Variants in ACCSL observed in about 807,000 individuals in gnomAD.
ACCSL encodes 1-aminocyclopropane-1-carboxylate synthase homolog (inactive) like.
ACCSL carries 55 observed loss-of-function variants against 61.7 expected under a neutral mutation model. The observed-to-expected ratio is 0.89, with a 90% CI of 0.72 to 1.12. The LOEUF is 1.12. Among genes scored for constraint, ACCSL ranks in the 50% most tolerant of loss-of-function variants. The probability of loss-of-function intolerance (pLI) is 0.00; values close to 1 mark genes in which losing one functional copy is unlikely to be tolerated. For missense variants in ACCSL, 632 were observed against 698.0 expected (o/e 0.91, Z 1.07); for synonymous variants, 258 against 264.3 (o/e 0.98, Z 0.23).
At chr11:44,027,390 A>G in the ACCSL span, among the ~76,000 whole-genome samples, 1 of 152,208 alleles carries the variant, frequency 6.6e-6, no homozygotes, top group East Asian at 1.9e-4. Flanking sequence ...AGAATCTTCC[A>G]GTTCTGCTTT....
the ACCSL span, among the ~76,000 whole-genome samples, chr11:43,924,459 T>A: frequency 6.6e-6 from 1 of 152,142 alleles, no homozygotes; most frequent in Non-Finnish European, 1.5e-5. Flanking sequence ...GGTGGGCGCC[T>A]GAGGGCCTTG....
chr11:44,052,951 G>A (rs1952648998), intron 6 of ACCSL, 40 bp from the exon 7 acceptor site: 6 of 1,589,894 alleles, frequency 3.8e-6, no homozygotes, highest in African/African-American at 1.3e-5. Context: ...TCAAGACTTA[G>A]ATTTTAAGAG....
At chr11:44,055,090 A>G in intron 8 of ACCSL, 112 bp from the exon 9 acceptor site, 1 of 730,702 alleles carries the variant, frequency 1.4e-6, no homozygotes, top group South Asian at 2.0e-5. Context: ...GTGTCCAGAG[A>G]ACACCATAAA....
the ACCSL span, among the ~76,000 whole-genome samples, chr11:44,002,182 C>A: frequency 6.6e-6 from 1 of 152,008 alleles, no homozygotes; most frequent in African/African-American, 2.4e-5. Context: ...TGTTACGTGG[C>A]CCCAGACCAC....
the ACCSL span, chr11:43,943,913 T>G: frequency 1.7e-6 from 2 of 1,180,002 alleles, no homozygotes; most frequent in Non-Finnish European, 2.2e-6. The surrounding 1 kb of genome is among the most constrained non-coding windows in gnomAD (Gnocchi z 4.8). Flanking sequence ...TTTTGCACCT[T>G]CGGGGTCCAG....
the ACCSL span, among the ~76,000 whole-genome samples, chr11:43,930,803 G>A: frequency 0.023 from 3,431 of 152,124 alleles, 78 homozygotes; most frequent in East Asian, 0.11. Context: ...AAGAAAAAAA[G>A]TTTTCACACA....
chr11:44,053,047 C>G lies in ACCSL; in HGVS notation c.927C>G (p.Ala309=), dbSNP rs759746338. The G allele has an allele frequency of 6.2e-7, 1 of 1,614,070 alleles. No homozygotes were observed. Among genetic ancestry groups the G allele is most frequent in the Non-Finnish European group, 8.5e-7 (1 of 1,179,988 alleles). ...TCACTGTGGACAAGTTAGAGGAAGC[C>G]CTGCTTGAAGCTAGGCTTGAGGTAA... The part of the protein sequence containing the change: ...FQLTVDKLEE[A]LLEARLEGKK... Residue 309 remains alanine (A), a synonymous_variant, in exon 7 of 14, where the codon GCC becomes GCG. Coordinates refer to ENST00000378832, the MANE Select transcript of ACCSL (RefSeq NM_001031854.2).
chr11:43,993,523 A>T, the ACCSL span, among the ~76,000 whole-genome samples: 1 of 152,268 alleles, frequency 6.6e-6, no homozygotes, highest in South Asian at 2.1e-4. Flanking sequence ...AGCAGTGACT[A>T]CGCCTACTTC....
At chr11:43,951,052 C>T in the ACCSL span, among the ~76,000 whole-genome samples, 4 of 152,164 alleles carry the variant, frequency 2.6e-5, no homozygotes, top group East Asian at 1.9e-4. Flanking sequence ...TGGTAAAAAC[C>T]ATTTTTATGA....
chr11:44,039,667 T>G, the ACCSL span, among the ~76,000 whole-genome samples: 1 of 152,078 alleles, frequency 6.6e-6, no homozygotes, highest in Admixed American at 6.5e-5. Context: ...AAAAAATAAA[T>G]AAAATGCACA....
At chr11:43,936,883 C>A in the ACCSL span, among the ~76,000 whole-genome samples, 16 of 152,196 alleles carry the variant, frequency 1.1e-4, no homozygotes, top group South Asian at 1.7e-3. Flanking sequence ...TTTCCCCACC[C>A]CCCCCTCCTG....
At chr11:43,939,413 A>G in the ACCSL span, among the ~76,000 whole-genome samples, 3 of 152,146 alleles carry the variant, frequency 2.0e-5, no homozygotes, top group Admixed American at 2.0e-4. Context: ...AAGGTTATAG[A>G]AATTGCTTTT....
chr11:43,949,509 A>G, the ACCSL span, among the ~76,000 whole-genome samples: 1 of 152,182 alleles, frequency 6.6e-6, no homozygotes, highest in African/African-American at 2.4e-5. Context: ...TCAGATAGCT[A>G]CAAAGATTAA....
At chr11:43,972,077 C>A in the ACCSL span, among the ~76,000 whole-genome samples, 1 of 152,246 alleles carries the variant, frequency 6.6e-6, no homozygotes, top group East Asian at 1.9e-4. Flanking sequence ...ACCTGACATA[C>A]AATGGGCACT....
In ACCSL at chr11:44,047,999, C is replaced by A. The variant is rs947365245; in HGVS notation, c.-38C>A. The A allele has an allele frequency of 3.2e-6, 5 of 1,583,978 alleles. No individual in the cohort carries two copies. In the South Asian group the frequency reaches 5.7e-5, roughly 18 times the overall value. On this transcript the variant is annotated 5_prime_UTR_variant, in exon 1 of 14. Coordinates refer to ENST00000378832, the MANE Select transcript of ACCSL (RefSeq NM_001031854.2). Reference sequence around the variant, plus strand: ...TCAATGGTCTCTTTCTCCATAGGTGCCAGGCAGCCTTCAGAGGCCAGTAAA... The same window carrying A: ...TCAATGGTCTCTTTCTCCATAGGTGACAGGCAGCCTTCAGAGGCCAGTAAA...
intron 11 of ACCSL, among the ~76,000 whole-genome samples, chr11:44,057,959 G>A (rs184591419): frequency 2.4e-3 from 366 of 152,328 alleles, no homozygotes; most frequent in African/African-American, 8.7e-3. Context: ...GATCACTTGA[G>A]GCCAGGAGTT....
the ACCSL span, among the ~76,000 whole-genome samples, chr11:43,990,540 A>G: frequency 6.6e-6 from 1 of 152,134 alleles, no homozygotes; most frequent in Admixed American, 6.5e-5. Flanking sequence ...TCCTCTTAAT[A>G]CTATCACATT....
the ACCSL span, among the ~76,000 whole-genome samples, chr11:44,035,145 C>T: frequency 1.3e-5 from 2 of 152,272 alleles, no homozygotes; most frequent in East Asian, 3.9e-4. Context: ...AGCACCCCCT[C>T]TTGCTCTCAA....
In ACCSL at chr11:44,048,434, G is replaced by A. The variant is rs190169018; in HGVS notation, c.398G>A (p.Arg133His). ...LSDCEAAFVN[R>H]DLSIRGIDIS... ...GATTGTGAAGCTGCCTTTGTCAACCGCGACCTATCCATCCGTGGGATTGAC... is the reference window on the plus strand; with the variant it reads ...GATTGTGAAGCTGCCTTTGTCAACCACGACCTATCCATCCGTGGGATTGAC... Residue 133 changes from arginine (R) to histidine (H), a missense_variant, in exon 1 of 14, where the codon CGC (arginine) becomes CAC (histidine). Transcript: ENST00000378832. 1.5e-5 allele frequency: 25 copies of A among 1,613,964 alleles called. No homozygotes were observed. The highest frequency in any genetic ancestry group is 1.1e-4 in the African/African-American group (8 of 74,952).
Sources: allele counts gnomAD v4.1 joint callset (sites outside exome capture counted in the v4.1 genomes callset), GRCh38; gene constraint gnomAD v4.1.1; non-coding constraint Gnocchi (gnomAD v3.1); transcripts MANE v1.5; gene names NCBI Gene and HGNC (gene_info 2026-07-23, HGNC 2026-07-21).